The following ZNF596 variants were observed in gnomAD, a reference collection of about 807,000 sequenced individuals.
ZNF596 encodes zinc finger protein 596.
Under a neutral mutation model 48.3 loss-of-function variants are expected in ZNF596, and 45 were observed. That is an observed-to-expected ratio of 0.93 (90% CI 0.73 to 1.19). The LOEUF is 1.19. Among genes scored for constraint, ZNF596 ranks in the 50% most tolerant of loss-of-function variants. ZNF596 has a pLI of 0.00. For synonymous variants in ZNF596, 270 were observed against 202.0 expected, an observed-to-expected ratio of 1.34 and a Z score of -2.85; for missense variants, 848 against 599.7, an observed-to-expected ratio of 1.41 and a Z score of -4.32.
chr8:238,155 C>A (rs1240627925), intron 1 of ZNF596, among the ~76,000 whole-genome samples: 8 of 152,160 alleles, frequency 5.3e-5, no homozygotes, highest in Admixed American at 5.2e-4. Context: ...TTTCTTATAC[C>A]TCCATTGTCT....
At position 243,016 on chromosome 8, in the gene ZNF596, G is replaced by A. The variant is rs1458378335; in HGVS notation, c.139+3G>A. The A allele has an allele frequency of 6.2e-7, 1 of 1,608,782 alleles. No individual in the cohort carries two copies. The highest frequency in any genetic ancestry group is 8.5e-7 in the Non-Finnish European group (1 of 1,176,244). On this transcript the variant is annotated splice_donor_region_variant and intron_variant, in intron 3 of 5. Transcript: ENST00000398612. ...CATCAGTCATCTGGTCTCTATTGGT[G>A]AGTCTCTTTATATTTATTATGTATG...
intron 1 of ZNF596, among the ~76,000 whole-genome samples, chr8:235,461 C>A (rs1170143054): frequency 6.6e-6 from 1 of 151,632 alleles, no homozygotes; most frequent in Non-Finnish European, 1.5e-5. Context: ...TTAACCAGAA[C>A]TTGATACTGT....
At chr8:241,045 T>G in intron 2 of ZNF596, 138 bp downstream of exon 2, 1 of 1,074,884 alleles carries the variant, frequency 9.3e-7, no homozygotes, top group Non-Finnish European at 1.4e-6. Flanking sequence ...GGCTTCGGAA[T>G]GTTTACATTG....
At chr8:243,502 G>C (rs1410321101) in intron 3 of ZNF596, 1 of 438,094 alleles carries the variant, frequency 2.3e-6, no homozygotes, top group African/African-American at 2.0e-5. Flanking sequence ...TTTGAAGTGA[G>C]GCATGGCCAT....
chr8:233,832 C>T, intron 1 of ZNF596: 1 of 152,182 alleles, frequency 6.6e-6, no homozygotes, highest in Non-Finnish European at 1.5e-5. Flanking sequence ...AAAGACAAAT[C>T]GCTGTTACTT....
chr8:246,083 T>C lies in ZNF596; in HGVS notation c.1236T>C (p.Thr412=). 6.2e-7 allele frequency: 1 copy of C among 1,613,994 alleles called. No individual in the cohort carries two copies. ...CTGACCTCAGACGACATGAGAGAAC[T>C]CACACTGGAGAAAAACCATATGAAT... ...ESSDLRRHER[T]HTGEKPYECH... is the part of the protein sequence containing the mutation. Residue 412 remains threonine, a synonymous_variant, in exon 6 of 6, where the codon ACT becomes ACC. Coordinates refer to ENST00000398612, the MANE Select transcript of ZNF596 (RefSeq NM_001042416.3).
At chr8:232,204 C>A (rs1469984540), upstream of ZNF596, 18 of 154,914 alleles carry the variant, frequency 1.2e-4, no homozygotes, top group African/African-American at 2.9e-4. Context: ...GACGCAGACA[C>A]GCGCTTTCAA....
Position 246,093 on chromosome 8 carries a change from G to A in ZNF596, c.1246G>A (p.Glu416Lys). 6.2e-7 allele frequency: 1 copy of A among 1,613,436 alleles called. No homozygotes were observed. Among genetic ancestry groups the A allele is most frequent in the African/African-American group, 1.3e-5 (1 of 74,982 alleles). The change falls in exon 6 of 6, where the codon GAA becomes AAA. Residue 416 changes from glutamate to lysine, a missense_variant. By Grantham distance (56) the Glu-to-Lys change is moderately conservative. Transcript: ENST00000398612. ...ACGACATGAGAGAACTCACACTGGAGAAAAACCATATGAATGCCATCTATG... is the reference window on the plus strand; with the variant it reads ...ACGACATGAGAGAACTCACACTGGAAAAAAACCATATGAATGCCATCTATG... ...LRRHERTHTG[E>K]KPYECHLCGK...
chr8:241,047 T>C (rs1796833858), intron 2 of ZNF596, 140 bp downstream of exon 2: 9 of 1,061,114 alleles, frequency 8.5e-6, no homozygotes, highest in Non-Finnish European at 1.3e-5. Context: ...CTTCGGAATG[T>C]TTACATTGGC....
intron 1 of ZNF596, among the ~76,000 whole-genome samples, chr8:233,922 C>T (rs921945066): frequency 2.6e-5 from 4 of 152,148 alleles, no homozygotes; most frequent in African/African-American, 9.7e-5. Context: ...TAAGGTCATG[C>T]CATTCCTGTG....
intron 1 of ZNF596, among the ~76,000 whole-genome samples, chr8:240,036 T>G (rs1796786573): frequency 6.6e-6 from 1 of 152,250 alleles, no homozygotes; most frequent in South Asian, 2.1e-4. Flanking sequence ...GCAACTCTGT[T>G]GCTTAGGAAA....
At position 242,958 on chromosome 8, in the gene ZNF596, G is replaced by C. The variant is rs1217761105; in HGVS notation, c.84G>C (p.Gln28His). 2 of 1,612,218 alleles carry C rather than the reference G, an allele frequency of 1.2e-6. No individual in the cohort carries two copies. The highest frequency in any genetic ancestry group is 1.7e-6 in the Non-Finnish European group (2 of 1,178,638). ...QEEWALLDTS[Q>H]RKLFQDVMLE... Reference sequence around the variant, plus strand: ...AGTGGGCCCTGCTGGACACATCCCAGAGAAAGCTGTTTCAAGATGTGATGT... The same window carrying C: ...AGTGGGCCCTGCTGGACACATCCCACAGAAAGCTGTTTCAAGATGTGATGT... Residue 28 changes from glutamine to histidine, a missense_variant, in exon 3 of 6, where the codon CAG becomes CAC. Transcript: ENST00000398612.
At chr8:240,637 T>C (rs1796815122) in intron 1 of ZNF596, 187 bp from the exon 2 acceptor site, 8 of 489,112 alleles carry the variant, frequency 1.6e-5, no homozygotes, top group East Asian at 3.1e-5. Context: ...AATAAAAATA[T>C]TTATATCTTT....
intron 3 of ZNF596, chr8:243,515 G>C: frequency 2.3e-6 from 1 of 434,806 alleles, no homozygotes; most frequent in South Asian, 3.7e-5. Context: ...ATGGCCATCA[G>C]CAATTATAGG....
Position 235,782 on chromosome 8 carries a change from A to G in ZNF596, c.-73+3088A>G, listed in dbSNP as rs7009156. Among the ~76,000 whole-genome samples the G allele has an allele frequency of 2.8e-3, 419 of 152,256 alleles. 3 individuals carry two copies. Among genetic ancestry groups the G allele is most frequent in the African/African-American group, 9.6e-3 (398 of 41,560 alleles). On this transcript the variant is annotated intron_variant, in intron 1 of 5. Transcript: ENST00000398612. ...GGCAGGAGCTATTGTATATGATAAA[A>G]TATTATGTTTTATTCAGTCCACTTA... is the stretch of plus-strand genomic sequence containing the variant.
At chr8:236,085 T>C (rs1001692570) in intron 1 of ZNF596, among the ~76,000 whole-genome samples, 1 of 152,246 alleles carries the variant, frequency 6.6e-6, no homozygotes, top group South Asian at 2.1e-4. Flanking sequence ...AATAGGATTT[T>C]CAGGCTTTAT....
chr8:243,412 G>C (rs1454722058), intron 3 of ZNF596: 2 of 304,442 alleles, frequency 6.6e-6, no homozygotes, highest in Admixed American at 4.7e-5. Flanking sequence ...TTATTGCATA[G>C]TTTTTTAATA....
chr8:235,949 G>C (rs1255846471), intron 1 of ZNF596, among the ~76,000 whole-genome samples: 3 of 151,726 alleles, frequency 2.0e-5, no homozygotes, highest in Non-Finnish European at 2.9e-5. Context: ...TCAAAATTTA[G>C]ACAAAATTGA....
chr8:236,516 T>C (rs1224284518), intron 1 of ZNF596, among the ~76,000 whole-genome samples: 2 of 152,200 alleles, frequency 1.3e-5, no homozygotes, highest in African/African-American at 4.8e-5. Flanking sequence ...AAATGGTTCT[T>C]TTGTTAACTG....
Sources: allele counts gnomAD v4.1 joint callset (sites outside exome capture counted in the v4.1 genomes callset), GRCh38; gene constraint gnomAD v4.1.1; transcripts MANE v1.5; gene names NCBI Gene and HGNC (gene_info 2026-07-23, HGNC 2026-07-21).